UNC13C: variants seen among roughly 807,000 people sequenced by gnomAD.
UNC13C encodes the protein unc-13 homolog C, also known as protein unc-13 homolog C.
UNC13C carries 174 observed loss-of-function variants against 245.4 expected under a neutral mutation model. That is an observed-to-expected ratio of 0.71 (90% CI 0.63 to 0.80). The LOEUF (loss-of-function observed/expected upper bound fraction) is 0.80. Among genes scored for constraint, UNC13C ranks in the 30% least tolerant of loss-of-function variants. The pLI, the probability that UNC13C is intolerant of heterozygous loss-of-function variation, is 0.00. For synonymous variants in UNC13C, 992 were observed against 895.1 expected (o/e 1.11, Z -1.93); for missense variants, 2,829 against 2,602.9 (o/e 1.09, Z -1.89).
At chr15:54,103,013 G>A (rs1900243505) in intron 2 of UNC13C, among the ~76,000 whole-genome samples, 1 of 152,154 alleles carries the variant, frequency 6.6e-6, no homozygotes, top group Non-Finnish European at 1.5e-5. Flanking sequence ...TCATTTTTCT[G>A]GAAGGAAGGT....
chr15:54,266,334 G>A (rs2036549038), intron 10 of UNC13C, among the ~76,000 whole-genome samples: 1 of 152,060 alleles, frequency 6.6e-6, no homozygotes, highest in Non-Finnish European at 1.5e-5. Context: ...AGAGGGTACT[G>A]TAGAATGAAC....
chr15:54,613,043 G>A lies in UNC13C; in HGVS notation c.6107-9284G>A, dbSNP rs1157176936. On this transcript the variant is annotated intron_variant, in intron 30 of 32. Transcript: ENST00000260323. The stretch of plus-strand genomic sequence containing the variant: ...TAGGAGATTATTATTTGTCTCTCAA[G>A]AACAAGAGACTTCTAAACAATTTTA... 3.3e-5 allele frequency among the ~76,000 whole-genome samples: 5 copies of A among 151,706 alleles called. 1 individual carries two copies. The highest frequency in any genetic ancestry group is 1.2e-4 in the African/African-American group (5 of 41,348).
rs755771306 is a variant in UNC13C at position 54,546,783 on chromosome 15, T to C, written c.5758T>C (p.Trp1920Arg). The C allele has an allele frequency of 6.4e-7, 1 of 1,565,798 alleles. No individual in the cohort carries two copies. Reference sequence around the variant, plus strand: ...CCTAAAGCGAGTTTTAAAAGAGTTATGGAAGCTAGTTCTCAACAAAATAGA... The same window carrying C: ...CCTAAAGCGAGTTTTAAAAGAGTTACGGAAGCTAGTTCTCAACAAAATAGA... Reference protein sequence around the residue: ...TVLKRVLKELWKLVLNKIEKQ... With the variant: ...TVLKRVLKELRKLVLNKIEKQ... Residue 1920 changes from tryptophan (W) to arginine (R), a missense_variant, in exon 27 of 33, where the codon TGG (tryptophan) becomes CGG (arginine). Coordinates refer to ENST00000260323, the MANE Select transcript of UNC13C (RefSeq NM_001080534.3).
downstream of UNC13C, chr15:54,633,165 CA>C (rs1023071480): frequency 2.9e-4 from 42 of 145,090 alleles, no homozygotes; most frequent in Admixed American, 4.1e-4. Flanking sequence ...AACTCTGTCT[CA>C]AAAAAAAAAA....
chr15:54,613,426 G>C (rs1238437175), intron 30 of UNC13C, among the ~76,000 whole-genome samples: 1 of 151,884 alleles, frequency 6.6e-6, no homozygotes, highest in Non-Finnish European at 1.5e-5. Flanking sequence ...CTATACAGTA[G>C]TTTAAAATAA....
At chr15:54,237,747 G>A (rs1403255898) in intron 7 of UNC13C, 57 bp downstream of exon 7, 2 of 1,365,702 alleles carry the variant, frequency 1.5e-6, no homozygotes, top group African/African-American at 1.4e-5. Flanking sequence ...AATCACAAGG[G>A]AGAAACTGTT....
intron 2 of UNC13C, among the ~76,000 whole-genome samples, chr15:54,038,086 G>GTA (rs1181149067): frequency 2.0e-4 from 22 of 112,620 alleles, no homozygotes; most frequent in Non-Finnish European, 2.4e-4. Flanking sequence ...ATGTGTGTGT[G>GTA]TATATACATA....
chr15:54,118,658 G>T (rs989321660), intron 2 of UNC13C, among the ~76,000 whole-genome samples: 1 of 151,898 alleles, frequency 6.6e-6, no homozygotes, highest in Non-Finnish European at 1.5e-5. Context: ...ACTTACTCTG[G>T]CCAGGACTTC....
At chr15:54,389,527 C>T (rs80238406) in intron 17 of UNC13C, among the ~76,000 whole-genome samples, 9,665 of 152,176 alleles carry the variant, frequency 0.064, 349 homozygotes, top group East Asian at 0.12. Flanking sequence ...CTGAAAATAA[C>T]GTATTTAACT....
intron 24 of UNC13C, among the ~76,000 whole-genome samples, chr15:54,518,508 T>C (rs1227704937): frequency 6.6e-6 from 1 of 152,246 alleles, no homozygotes; most frequent in Non-Finnish European, 1.5e-5. Context: ...TGCCATCTTC[T>C]ATAATAAATC....
At chr15:54,047,152 A>G (rs1157004679) in intron 2 of UNC13C, among the ~76,000 whole-genome samples, 1 of 152,146 alleles carries the variant, frequency 6.6e-6, no homozygotes, top group Non-Finnish European at 1.5e-5. Context: ...GAAGATTTTC[A>G]CAAATTCAGA....
rs1341031095 is a variant in UNC13C, at chr15:54,015,048, T to C, written c.2145T>C (p.Thr715=). ...ATGACTCAGAGAGCTACGACTTAAC[T>C]CAAGATGACAATTCTTCTCCATGCC... The part of the protein sequence containing the change: ...LQDDSESYDL[T]QDDNSSPCPG... The change falls in exon 2 of 33, where the codon ACT becomes ACC. Residue 715 remains threonine (T), a synonymous_variant. Transcript: ENST00000260323. The C allele has an allele frequency of 6.2e-7, 1 of 1,613,034 alleles. No homozygotes were observed.
At chr15:54,540,552 A>G (rs549431339) in intron 26 of UNC13C, among the ~76,000 whole-genome samples, 93 of 152,220 alleles carry the variant, frequency 6.1e-4, no homozygotes, top group Non-Finnish European at 1.0e-3. Flanking sequence ...ATTTAAAATA[A>G]ACAATAGAGG....
chr15:54,027,913 C>T (rs532609697), intron 2 of UNC13C, among the ~76,000 whole-genome samples: 149 of 151,970 alleles, frequency 9.8e-4, no homozygotes, highest in African/African-American at 3.4e-3. Context: ...GGAATAGAAG[C>T]GCCTTCTTCC....
At chr15:54,298,865 G>A (rs1022091438) in intron 12 of UNC13C, among the ~76,000 whole-genome samples, 1 of 152,092 alleles carries the variant, frequency 6.6e-6, no homozygotes, top group African/African-American at 2.4e-5. Flanking sequence ...ACAACTGAAA[G>A]ATAGTTCTAC....
In UNC13C at chr15:54,627,786, G is replaced by C. The variant is rs1030759801; in HGVS notation, c.*673G>C. 1.3e-5 allele frequency: 2 copies of C among 152,528 alleles called. No individual in the cohort carries two copies. Among genetic ancestry groups the C allele is most frequent in the Admixed American group, 6.6e-5 (1 of 15,248 alleles). 9.4% of individuals were successfully genotyped at this position (152,528 alleles called of 1,614,324 possible). A position where few individuals can be genotyped will look rare whatever the true frequency, so the allele number is the denominator to read the frequency against. On this transcript the variant is annotated 3_prime_UTR_variant, in exon 33 of 33. Coordinates refer to ENST00000260323, the MANE Select transcript of UNC13C (RefSeq NM_001080534.3). ...AAACTTTGTTCTCTAAAACTGCCAA[G>C]ATCACATCACATTTGTAAAAATGGT...
intron 17 of UNC13C, among the ~76,000 whole-genome samples, chr15:54,375,968 C>T (rs1041018775): frequency 6.6e-6 from 1 of 152,146 alleles, no homozygotes; most frequent in Non-Finnish European, 1.5e-5. Flanking sequence ...CAAAATTTCC[C>T]CTTTTTTTAA....
rs2038154257 is a variant in UNC13C at position 54,321,383 on chromosome 15, A to T, written c.4269-556A>T. On this transcript the variant is annotated intron_variant, in intron 13 of 32. Coordinates refer to ENST00000260323, the MANE Select transcript of UNC13C (RefSeq NM_001080534.3). Reference sequence around the variant, plus strand: ...AGATCTTTTTCAAATTTAAGTGGGTACCTGGTCTTTGAGAATCTTCTCTTG... The same window carrying T: ...AGATCTTTTTCAAATTTAAGTGGGTTCCTGGTCTTTGAGAATCTTCTCTTG... The T allele has an allele frequency of 2.0e-5, 10 of 491,300 alleles. 1 individual carries two copies. The highest frequency in any genetic ancestry group is 1.5e-4 in the South Asian group (10 of 67,066). 30.4% of individuals were successfully genotyped at this position (491,300 alleles called of 1,614,324 possible).
At chr15:54,224,972 T>G (rs1245414605) in intron 4 of UNC13C, among the ~76,000 whole-genome samples, 1 of 152,022 alleles carries the variant, frequency 6.6e-6, no homozygotes, top group African/African-American at 2.4e-5. Context: ...CCTTTGAATA[T>G]CTGTAGTATT....
Sources: allele counts gnomAD v4.1 joint callset (sites outside exome capture counted in the v4.1 genomes callset), GRCh38; gene constraint gnomAD v4.1.1; transcripts MANE v1.5; gene names NCBI Gene and HGNC (gene_info 2026-07-23, HGNC 2026-07-21).